PPL: variants seen among roughly 807,000 people sequenced by gnomAD.
The protein encoded by PPL is 190 kDa paraneoplastic pemphigus antigen.
Under a neutral mutation model 194.4 loss-of-function variants are expected in PPL, and 198 were observed. The ratio of observed to expected loss-of-function variants is 1.02; its 90% CI spans 0.91 to 1.15. PPL has a LOEUF of 1.15. Ranked by LOEUF, PPL falls within the 50% of genes most tolerant of loss-of-function variation. The probability of loss-of-function intolerance (pLI) is 0.00; values close to 1 mark genes in which losing one functional copy is unlikely to be tolerated. For synonymous variants in PPL, 1,220 were observed against 972.4 expected (o/e 1.25, Z -4.74); for missense variants, 2,885 against 2,294.8 (o/e 1.26, Z -5.25).
intron 1 of PPL, among the ~76,000 whole-genome samples, chr16:4,934,619 C>T (rs1299197520): frequency 6.6e-6 from 1 of 152,084 alleles, no homozygotes; most frequent in Non-Finnish European, 1.5e-5. Flanking sequence ...CTGAATCTCA[C>T]CAGCAATTTT....
intron 1 of PPL, among the ~76,000 whole-genome samples, chr16:4,934,964 C>G (rs2089277442): frequency 6.6e-6 from 1 of 152,162 alleles, no homozygotes; most frequent in African/African-American, 2.4e-5. Flanking sequence ...TCATTCTGTG[C>G]TGGGGTGGCA....
In PPL at chr16:4,885,738, C is replaced by G. The variant is rs766046018; in HGVS notation, c.2917G>C (p.Ala973Pro). ...AGGGCACGCAGCTGCAGCTGCAGTG[C>G]CTCCAGCTCCTCCTGCAGCAGCTGG... Reference protein sequence around the residue: ...KNQLLQEELEALQLQLRALEQ... With the variant: ...KNQLLQEELEPLQLQLRALEQ... Residue 973 changes from alanine to proline, a missense_variant, in exon 22 of 22, where the codon GCA (alanine) becomes CCA (proline). By Grantham distance (27) the Ala-to-Pro change is conservative. Coordinates refer to ENST00000345988, the MANE Select transcript of PPL (RefSeq NM_002705.5). This position sits in a 1 kb window ranked among gnomAD's most constrained non-coding sequence, Gnocchi z 6.3. The G allele has an allele frequency of 1.2e-6, 2 of 1,612,814 alleles. No homozygotes were observed. The highest frequency in any genetic ancestry group is 2.7e-5 in the African/African-American group (2 of 74,872).
Position 4,883,436 on chromosome 16 carries a change from T to G in PPL, c.5219A>C (p.Asn1740Thr), listed in dbSNP as rs1194412881. The change falls in exon 22 of 22, where the codon AAC becomes ACC. Residue 1740 changes from asparagine to threonine, a missense_variant. Physicochemically the swap from Asn to Thr is moderately conservative, Grantham distance 65. Coordinates refer to ENST00000345988, the MANE Select transcript of PPL (RefSeq NM_002705.5). This position sits in a 1 kb window ranked among gnomAD's most constrained non-coding sequence, Gnocchi z 4.8. ...CAGCTCCTGGATGGACATATCCTTG[T>G]TGACATAGCGGTCATACTGAGCAGG... ...LTPAQYDRYV[N>T]KDMSIQELAV... The G allele has an allele frequency of 6.2e-7, 1 of 1,614,176 alleles. No individual in the cohort carries two copies. Among genetic ancestry groups the G allele is most frequent in the African/African-American group, 1.3e-5 (1 of 75,036 alleles).
chr16:4,909,611 G>C (rs532754126), intron 2 of PPL, among the ~76,000 whole-genome samples: 2 of 151,988 alleles, frequency 1.3e-5, no homozygotes, highest in South Asian at 2.1e-4. Context: ...ATTTTTAGTA[G>C]AGATGAGGTT....
chr16:4,931,604 C>T (rs753807178), intron 1 of PPL, among the ~76,000 whole-genome samples: 3 of 152,276 alleles, frequency 2.0e-5, no homozygotes, highest in East Asian at 1.9e-4. Flanking sequence ...AAGGTGGTGC[C>T]GGTAACACCG....
At chr16:4,892,620 CA>C (rs1303134071) in intron 14 of PPL, 1 of 176,394 alleles carries the variant, frequency 5.7e-6, no homozygotes, top group African/African-American at 2.4e-5. Context: ...CCGAGACCGG[CA>C]TCCTCTCGCC....
chr16:4,907,308 T>TCACACACACACACACACACA (rs56210938), intron 2 of PPL, among the ~76,000 whole-genome samples: 1 of 145,636 alleles, frequency 6.9e-6, no homozygotes, highest in African/African-American at 2.6e-5. Flanking sequence ...ATATCTAATC[T>TCACACACACACACACACACA]CACACACACA....
Position 4,883,639 on chromosome 16 carries a change from C to G in PPL, c.5016G>C (p.Glu1672Asp). ...CAATGAGCCCGGCACGGTGGGCTTC[C>G]TCCGGGGACAGCTCGCGGCCTGTGT... ...HPDTGRELSP[E>D]EAHRAGLIDW... Residue 1672 changes from glutamate to aspartate, a missense_variant, in exon 22 of 22, where the codon GAG becomes GAC. Physicochemically the swap from Glu to Asp is conservative, Grantham distance 45 (BLOSUM62 2). Coordinates refer to ENST00000345988, the MANE Select transcript of PPL (RefSeq NM_002705.5). The surrounding 1 kb of genome is among the most constrained non-coding windows in gnomAD (Gnocchi z 4.8). The G allele has an allele frequency of 6.2e-7, 1 of 1,614,206 alleles. No homozygotes were observed.
Position 4,884,170 on chromosome 16 carries a change from G to A in PPL, c.4485C>T (p.Val1495=). The change falls in exon 22 of 22, where the codon GTC becomes GTT. Residue 1495 remains valine, a synonymous_variant. Coordinates refer to ENST00000345988, the MANE Select transcript of PPL (RefSeq NM_002705.5). The surrounding 1 kb of genome is among the most constrained non-coding windows in gnomAD (Gnocchi z 5.7). ...TCTCGGAGAGCACCACCTTCTCCTT[G>A]ACCTCCGCCTTCTCCAGTGCAGCCA... ...RKLAALEKAE[V]KEKVVLSESV... 2 of 1,613,830 alleles carry A rather than the reference G, an allele frequency of 1.2e-6. No individual in the cohort carries two copies. The highest frequency in any genetic ancestry group is 2.2e-5 in the South Asian group (2 of 91,068).
At chr16:4,923,222 C>A (rs981621744) in intron 1 of PPL, among the ~76,000 whole-genome samples, 1 of 152,222 alleles carries the variant, frequency 6.6e-6, no homozygotes, top group Admixed American at 6.5e-5. Flanking sequence ...TACCTGGGAA[C>A]GCGTCTCCTG....
At chr16:4,934,105 CCTCT>C (rs1415950483) in intron 1 of PPL, among the ~76,000 whole-genome samples, 1 of 152,222 alleles carries the variant, frequency 6.6e-6, no homozygotes, top group African/African-American at 2.4e-5. Context: ...TCCTCCAGGG[CCTCT>C]CTACTAGGCT....
chr16:4,936,026 T>A (rs879801455), intron 1 of PPL, among the ~76,000 whole-genome samples: 3 of 152,178 alleles, frequency 2.0e-5, no homozygotes, highest in Non-Finnish European at 4.4e-5. Flanking sequence ...AGGGGCTGGA[T>A]TCCCACCCCC....
rs749169131 is a variant in PPL at position 4,885,138 on chromosome 16, T to C, written c.3517A>G (p.Lys1173Glu). Residue 1173 changes from lysine (K) to glutamate (E), a missense_variant, in exon 22 of 22, where the codon AAG (lysine) becomes GAG (glutamate). Coordinates refer to ENST00000345988, the MANE Select transcript of PPL (RefSeq NM_002705.5). The surrounding 1 kb of genome is among the most constrained non-coding windows in gnomAD (Gnocchi z 6.3). The part of the protein sequence containing the change: ...EENAKVVVQE[K>E]VREIVRPDPK... ...TCTGGCCGCACGATCTCCCGCACCT[T>C]CTCCTGCACCACCACTTTGGCGTTC... The C allele has an allele frequency of 1.2e-6, 2 of 1,613,968 alleles. No individual in the cohort carries two copies. Among genetic ancestry groups the C allele is most frequent in the South Asian group, 1.1e-5 (1 of 91,072 alleles).
intron 2 of PPL, among the ~76,000 whole-genome samples, chr16:4,907,320 A>T (rs1387221379): frequency 4.3e-4 from 6 of 14,006 alleles, no homozygotes; most frequent in African/African-American, 5.1e-4. Context: ...ACACACACAC[A>T]CACACACACA....
In PPL at chr16:4,888,020, G is replaced by C. The variant is rs1030078704; in HGVS notation, c.2514+82C>G. The stretch of plus-strand genomic sequence containing the variant: ...TGTTGTGTGTGCATCTCTGAGGCCA[G>C]CGTGTGACACCATGCTCCCTGGGGA... On this transcript the variant is annotated intron_variant, in intron 20 of 21. Coordinates refer to ENST00000345988, the MANE Select transcript of PPL (RefSeq NM_002705.5). 150 of 974,294 alleles carry C rather than the reference G, an allele frequency of 1.5e-4. 2 individuals carry two copies. Among genetic ancestry groups the C allele is most frequent in the Middle Eastern group, 8.8e-4 (3 of 3,416 alleles). The allele number at this position is 974,294 out of a possible 1,614,324, so 60.4% of individuals were successfully genotyped here.
chr16:4,936,091 A>G (rs150538284), intron 1 of PPL, among the ~76,000 whole-genome samples: 47 of 152,254 alleles, frequency 3.1e-4, no homozygotes, highest in African/African-American at 1.1e-3. Context: ...TTAAGTGAAC[A>G]CATTAGGCTT....
chr16:4,927,957 T>A (rs2089180089), intron 1 of PPL, among the ~76,000 whole-genome samples: 1 of 152,170 alleles, frequency 6.6e-6, no homozygotes, highest in Non-Finnish European at 1.5e-5. Flanking sequence ...ATAAATAAAA[T>A]TAGCTGGGCA....
At chr16:4,899,868 C>T (rs1293001985) in intron 6 of PPL, among the ~76,000 whole-genome samples, 5 of 152,312 alleles carry the variant, frequency 3.3e-5, no homozygotes, top group African/African-American at 9.6e-5. Flanking sequence ...GAAAGCACCA[C>T]TGTACGTCTG....
chr16:4,890,932 A>C lies in PPL; in HGVS notation c.1969-11T>G. On this transcript the variant is annotated splice_polypyrimidine_tract_variant and intron_variant, in intron 16 of 21. Coordinates refer to ENST00000345988, the MANE Select transcript of PPL (RefSeq NM_002705.5). The stretch of plus-strand genomic sequence containing the variant: ...CTCACAGGCCATGGCCTGGCGGGGC[A>C]GAGGAGGAGACGGCGGTGCTACGGC... 2.7e-6 allele frequency: 4 copies of C among 1,507,218 alleles called. No individual in the cohort carries two copies. The highest frequency in any genetic ancestry group is 3.6e-6 in the Non-Finnish European group (4 of 1,121,178). The allele number at this position is 1,507,218 out of a possible 1,614,324, so 93.4% of individuals were successfully genotyped here. A position where few individuals can be genotyped will look rare whatever the true frequency, so the allele number is the denominator to read the frequency against.
Sources: gnomAD v4.1 joint callset for allele counts (sites outside exome capture counted in the v4.1 genomes callset) on GRCh38, gnomAD v4.1.1 for gene constraint, Gnocchi (gnomAD v3.1) non-coding constraint, MANE v1.5 for transcripts, NCBI Gene and HGNC (gene_info 2026-07-23, HGNC 2026-07-21) for gene names.